UTRN: variants seen among roughly 807,000 people sequenced by gnomAD.
UTRN encodes utrophin, also known as dystrophin-related protein 1.
UTRN carries 283 observed loss-of-function variants against 463.9 expected under a neutral mutation model. The ratio of observed to expected loss-of-function variants is 0.61; its 90% CI spans 0.55 to 0.67. The LOEUF is 0.67. Ranked by LOEUF, UTRN falls within the 30% of genes least tolerant of loss-of-function variation. The probability of loss-of-function intolerance (pLI) is 0.00; values close to 1 mark genes in which losing one functional copy is unlikely to be tolerated. For synonymous variants in UTRN, 1,442 were observed against 1,431.5 expected (o/e 1.01, Z -0.17); for missense variants, 3,922 against 4,084.3 (o/e 0.96, Z 1.08).
rs1378601465 is a variant in UTRN, at chr6:144,700,135, C to T, written c.7701C>T (p.Ser2567=). ...SAEKWNRLLM[S]LEELIKWLNM... Reference sequence around the variant, plus strand: ...AGAAGTGGAACAGGTTGCTGATGTCCTTAGAAGAACTGATCAAATGGCTGA... The same window carrying T: ...AGAAGTGGAACAGGTTGCTGATGTCTTTAGAAGAACTGATCAAATGGCTGA... Residue 2567 remains serine (S), a synonymous_variant, in exon 53 of 75, where the codon TCC becomes TCT. Transcript: ENST00000367545. 1 of 1,613,260 alleles carries T rather than the reference C, an allele frequency of 6.2e-7. No homozygotes were observed.
At chr6:144,492,770 C>T (rs1258311637) in intron 32 of UTRN, among the ~76,000 whole-genome samples, 1 of 152,024 alleles carries the variant, frequency 6.6e-6, no homozygotes, top group Non-Finnish European at 1.5e-5. Context: ...AATCTGTTTA[C>T]TTATAGTTAT....
At chr6:144,528,720 C>T (rs1004005326) in intron 41 of UTRN, among the ~76,000 whole-genome samples, 4 of 152,190 alleles carry the variant, frequency 2.6e-5, no homozygotes, top group Non-Finnish European at 4.4e-5. Flanking sequence ...AGTGAAGCGG[C>T]CTCTGTGAGA....
At chr6:144,512,365 A>T (rs2128591030) in intron 35 of UTRN, among the ~76,000 whole-genome samples, 1 of 152,260 alleles carries the variant, frequency 6.6e-6, no homozygotes, top group African/African-American at 2.4e-5. Flanking sequence ...CTGTTAGAAC[A>T]TTTGATTTAC....
chr6:144,451,113 AAACAAC>A lies in UTRN; in HGVS notation c.2073-242_2073-237del, dbSNP rs111594852. Among the ~76,000 whole-genome samples the A allele has an allele frequency of 7.7e-3, 1,170 of 152,154 alleles. 8 individuals are homozygous for A. The highest frequency in any genetic ancestry group is 0.027 in the African/African-American group (1,101 of 41,470). Reference sequence around the variant, plus strand: ...GGTGACAGGGCGAGACTCCATCTCGAAACAACAACAACAACAACAAATTATTTAATT... The same window carrying A: ...GGTGACAGGGCGAGACTCCATCTCGAAACAACAACAACAAATTATTTAATT... On this transcript the variant is annotated intron_variant, in intron 17 of 74. Coordinates refer to ENST00000367545, the MANE Select transcript of UTRN (RefSeq NM_007124.3).
intron 51 of UTRN, among the ~76,000 whole-genome samples, chr6:144,649,299 C>A (rs546873173): frequency 6.6e-6 from 1 of 152,108 alleles, no homozygotes; most frequent in Non-Finnish European, 1.5e-5. Context: ...AGGAATGATG[C>A]CTGGTAGGTA....
At chr6:144,331,625 G>A (rs1400354087) in intron 2 of UTRN, among the ~76,000 whole-genome samples, 1 of 152,136 alleles carries the variant, frequency 6.6e-6, no homozygotes, top group Admixed American at 6.5e-5. Context: ...ATTTCTCTCT[G>A]CTGGTGCCAA....
At chr6:144,650,155 C>T (rs1398466755) in intron 51 of UTRN, among the ~76,000 whole-genome samples, 1 of 152,168 alleles carries the variant, frequency 6.6e-6, no homozygotes, top group Non-Finnish European at 1.5e-5. Flanking sequence ...ATAAAACCAT[C>T]AGATCTCATC....
Position 144,447,789 on chromosome 6 carries a change from T to C in UTRN, c.1902+8T>C. 6.2e-7 allele frequency: 1 copy of C among 1,603,966 alleles called. No homozygotes were observed. The highest frequency in any genetic ancestry group is 8.5e-7 in the Non-Finnish European group (1 of 1,174,808). On this transcript the variant is annotated splice_region_variant and intron_variant, in intron 16 of 74. Transcript: ENST00000367545. ...GAAGATTCCTCCAACCAGGTACTTTTTGATTTGGATCATATGTTGTGCCAT... is the reference window on the plus strand; with the variant it reads ...GAAGATTCCTCCAACCAGGTACTTTCTGATTTGGATCATATGTTGTGCCAT...
chr6:144,531,081 G>C lies in UTRN; in HGVS notation c.5936G>C (p.Arg1979Thr), dbSNP rs1797017525. 2 of 1,613,952 alleles carry C rather than the reference G, an allele frequency of 1.2e-6. No individual in the cohort carries two copies. Among genetic ancestry groups the C allele is most frequent in the Admixed American group, 3.3e-5 (2 of 60,008 alleles). ...GCFDRAMEEW[R>T]QFHCDLNDLT... ...TTTGACAGGGCAATGGAAGAATGGA[G>C]ACAGTTCCATTGTGACCTTAATGAC... Residue 1979 changes from arginine to threonine, a missense_variant, in exon 42 of 75, where the codon AGA becomes ACA. Physicochemically the swap from Arg to Thr is moderately conservative, Grantham distance 71. Transcript: ENST00000367545.
At chr6:144,514,591 A>G in intron 36 of UTRN, 59 bp from the exon 37 acceptor site, 1 of 1,543,588 alleles carries the variant, frequency 6.5e-7, no homozygotes, top group Non-Finnish European at 8.9e-7. Flanking sequence ...TATAAGCATC[A>G]CACTCATGTT....
At chr6:144,388,784 G>C (rs563642049) in intron 2 of UTRN, among the ~76,000 whole-genome samples, 109 of 152,280 alleles carry the variant, frequency 7.2e-4, no homozygotes, top group African/African-American at 2.5e-3. Context: ...TTACATGCAT[G>C]AGCCACCTTG....
At chr6:144,648,581 A>C (rs1180946325) in intron 51 of UTRN, among the ~76,000 whole-genome samples, 5 of 152,228 alleles carry the variant, frequency 3.3e-5, no homozygotes, top group Non-Finnish European at 7.3e-5. Flanking sequence ...GTTAAGCTTG[A>C]ATGATTTACA....
intron 1 of UTRN, among the ~76,000 whole-genome samples, 186 bp from the exon 2 acceptor site, chr6:144,291,551 G>A (rs1804253769): frequency 6.6e-6 from 1 of 152,186 alleles, no homozygotes; most frequent in African/African-American, 2.4e-5. Flanking sequence ...ATTGCTTAGT[G>A]TGCATAAGCG....
At chr6:144,743,876 C>A (rs1043470451) in intron 54 of UTRN, among the ~76,000 whole-genome samples, 6 of 151,400 alleles carry the variant, frequency 4.0e-5, no homozygotes, top group Non-Finnish European at 7.4e-5. Flanking sequence ...TATCTGTGGT[C>A]CCTTAAATAG....
At chr6:144,522,746 T>A (rs1332227994) in intron 40 of UTRN, among the ~76,000 whole-genome samples, 1 of 152,208 alleles carries the variant, frequency 6.6e-6, no homozygotes, top group Non-Finnish European at 1.5e-5. Context: ...ATAGAGAATG[T>A]TACTGAAGCC....
At chr6:144,677,351 G>A (rs1456688529) in intron 51 of UTRN, among the ~76,000 whole-genome samples, 2 of 152,138 alleles carry the variant, frequency 1.3e-5, no homozygotes, top group African/African-American at 4.8e-5. Flanking sequence ...CCACTTATGA[G>A]TGAGAACATG....
chr6:144,458,978 G>A lies in UTRN; in HGVS notation c.2493G>A (p.Arg831=), dbSNP rs115499045. 178 of 1,608,948 alleles carry A rather than the reference G, an allele frequency of 1.1e-4. No individual in the cohort carries two copies. In the African/African-American group the frequency reaches 1.9e-3, roughly 18 times the overall value. ...ACACTTCCATTTCTGAATCTTCCCG[G>A]CAGTCCTTGCCAAGCTTGAAGGATT... is the stretch of plus-strand genomic sequence containing the variant. ...VKHTSISESS[R]QSLPSLKDSC... is the part of the protein sequence containing the mutation. The change falls in exon 20 of 75, where the codon CGG becomes CGA. Residue 831 remains arginine (R), a synonymous_variant. Transcript: ENST00000367545.
chr6:144,610,182 C>A (rs1805337918), intron 51 of UTRN, among the ~76,000 whole-genome samples: 1 of 139,946 alleles, frequency 7.1e-6, no homozygotes, highest in African/African-American at 2.6e-5. Context: ...AGACCATTAG[C>A]TAGACTAACC....
intron 2 of UTRN, among the ~76,000 whole-genome samples, chr6:144,310,719 A>C (rs1806183348): frequency 6.6e-6 from 1 of 152,192 alleles, no homozygotes; most frequent in African/African-American, 2.4e-5. Flanking sequence ...CAGAGGTTGC[A>C]TTGAGCTGAG....
Sources: allele counts gnomAD v4.1 joint callset (sites outside exome capture counted in the v4.1 genomes callset), GRCh38; gene constraint gnomAD v4.1.1; transcripts MANE v1.5; gene names NCBI Gene and HGNC (gene_info 2026-07-23, HGNC 2026-07-21).